Variants in GABBR1 observed in about 807,000 individuals in gnomAD.
The protein encoded by GABBR1 is GABA-B receptor, R1 subunit.
A neutral mutation model predicts 117.7 loss-of-function variants in GABBR1; 35 were observed. The observed-to-expected ratio is 0.30, with a 90% confidence interval of 0.23 to 0.39. The LOEUF (loss-of-function observed/expected upper bound fraction) is 0.39. GABBR1 is among the 10% of genes least tolerant of loss of function. The probability of loss-of-function intolerance (pLI) is 1.00; values close to 1 mark genes in which losing one functional copy is unlikely to be tolerated. For synonymous variants in GABBR1, 442 were observed against 486.6 expected (o/e 0.91, Z 1.21); for missense variants, 709 against 1,241.8 (o/e 0.57, Z 6.45).
chr6:29,623,851 G>C lies in GABBR1; in HGVS notation c.792+39C>G, dbSNP rs1186273569. On this transcript the variant is annotated intron_variant, in intron 7 of 22. Transcript: ENST00000377034. The surrounding 1 kb of genome is among the most constrained non-coding windows in gnomAD (Gnocchi z 6.2). ...TCGTCCCTTCAGTAGAGCTCAAAAGGGAATGACCCCATCTTCTGACCCCCA... is the reference window on the plus strand; with the variant it reads ...TCGTCCCTTCAGTAGAGCTCAAAAGCGAATGACCCCATCTTCTGACCCCCA... The C allele has an allele frequency of 6.2e-7, 1 of 1,601,246 alleles. No homozygotes were observed. The highest frequency in any genetic ancestry group is 1.3e-5 in the African/African-American group (1 of 74,558).
intron 12 of GABBR1, 121 bp from the exon 13 acceptor site, chr6:29,612,735 T>A: frequency 1.1e-6 from 1 of 880,326 alleles, no homozygotes. Context: ...GAATGCTATT[T>A]ATGGCATTTG....
chr6:29,631,541 C>T lies in GABBR1; in HGVS notation c.144G>A (p.Arg48=), dbSNP rs776095583. The T allele has an allele frequency of 6.2e-6, 10 of 1,614,080 alleles. No homozygotes were observed. In the African/African-American group the frequency reaches 1.3e-4, roughly 22 times the overall value. ...GGAAGTTGATAGCCTTCACCTGGTC[C>T]CGAGTCAGGCCCCGGTACCTGATGC... The part of the protein sequence containing the change: ...EGGIRYRGLT[R]DQVKAINFLP... Residue 48 remains arginine, a synonymous_variant, in exon 3 of 23, where the codon CGG becomes CGA. Coordinates refer to ENST00000377034, the MANE Select transcript of GABBR1 (RefSeq NM_001470.4). This position sits in a 1 kb window ranked among gnomAD's most constrained non-coding sequence, Gnocchi z 5.9.
In GABBR1 at chr6:29,632,240, G is replaced by T; in HGVS notation, c.85+61C>A. On this transcript the variant is annotated intron_variant, in intron 2 of 22. Coordinates refer to ENST00000377034, the MANE Select transcript of GABBR1 (RefSeq NM_001470.4). The surrounding 1 kb of genome is among the most constrained non-coding windows in gnomAD (Gnocchi z 5.8). The stretch of plus-strand genomic sequence containing the variant: ...GATAGTGATGAGGACCAGAAATGAG[G>T]AGATGCAGGGAAAGGGAAGTGGAGC... The T allele has an allele frequency of 1.0e-6, 1 of 975,528 alleles. No individual in the cohort carries two copies. The allele number at this position is 975,528 out of a possible 1,614,324, so 60.4% of individuals were successfully genotyped here.
Position 29,623,392 on chromosome 6 carries a change from G to T in GABBR1, c.876C>A (p.Leu292=). 1 of 1,614,152 alleles carries T rather than the reference G, an allele frequency of 6.2e-7. No homozygotes were observed. The highest frequency in any genetic ancestry group is 8.5e-7 in the Non-Finnish European group (1 of 1,180,032). ...AGAGTTTCACGCGGGTAGGGTTGTG[G>T]AGTGTGGCTGATGGGTGCGTTCGGA... The part of the protein sequence containing the change: ...TFFRTHPSAT[L]HNPTRVKLFE... Residue 292 remains leucine (L), a synonymous_variant, in exon 8 of 23, where the codon CTC becomes CTA. Coordinates refer to ENST00000377034, the MANE Select transcript of GABBR1 (RefSeq NM_001470.4). This position sits in a 1 kb window ranked among gnomAD's most constrained non-coding sequence, Gnocchi z 6.2.
rs1184168545 is a variant in GABBR1, at chr6:29,622,059, C to T, written c.1065+45G>A. The T allele has an allele frequency of 1.3e-6, 2 of 1,525,558 alleles. No homozygotes were observed. The highest frequency in any genetic ancestry group is 1.8e-6 in the Non-Finnish European group (2 of 1,100,424). 94.5% of individuals were successfully genotyped at this position (1,525,558 alleles called of 1,614,324 possible). A position where few individuals can be genotyped will look rare whatever the true frequency, so the allele number is the denominator to read the frequency against. On this transcript the variant is annotated intron_variant, in intron 9 of 22. Transcript: ENST00000377034. This position sits in a 1 kb window ranked among gnomAD's most constrained non-coding sequence, Gnocchi z 4.6. ...TCTCCAACCAGTCACTGTCCCCCAG[C>T]TTGGTCCCTCCGTAAACAGAGCCCA...
In GABBR1 at chr6:29,627,957, G is replaced by T; in HGVS notation, c.497-311C>A. ...AAGCAGGGAAGGTTGGCTTCCTACG[G>T]CCCCCGCGGCTCTCGCCACCGTCGC... is the stretch of plus-strand genomic sequence containing the variant. On this transcript the variant is annotated intron_variant, in intron 5 of 22. Coordinates refer to ENST00000377034, the MANE Select transcript of GABBR1 (RefSeq NM_001470.4). This position sits in a 1 kb window ranked among gnomAD's most constrained non-coding sequence, Gnocchi z 4.4. The T allele has an allele frequency of 7.5e-7, 1 of 1,341,908 alleles. No homozygotes were observed. The highest frequency in any genetic ancestry group is 2.0e-5 in the South Asian group (1 of 49,236). 83.1% of individuals were successfully genotyped at this position (1,341,908 alleles called of 1,614,324 possible). A position where few individuals can be genotyped will look rare whatever the true frequency, so the allele number is the denominator to read the frequency against.
rs930369487 is a variant in GABBR1, at chr6:29,624,116, C to T, written c.658-92G>A. ...TTATCTTTCTCGAACAAATTAGTTC[C>T]TTTCTCAATTACTCACTTTCATCAT... On this transcript the variant is annotated intron_variant, in intron 6 of 22. Coordinates refer to ENST00000377034, the MANE Select transcript of GABBR1 (RefSeq NM_001470.4). 1.0e-5 allele frequency: 13 copies of T among 1,244,048 alleles called. No individual in the cohort carries two copies. In the African/African-American group the frequency reaches 2.0e-4, roughly 19 times the overall value. The allele number at this position is 1,244,048 out of a possible 1,614,324, so 77.1% of individuals were successfully genotyped here.
Position 29,631,730 on chromosome 6 carries a change from G to C in GABBR1, c.86-131C>G, listed in dbSNP as rs1764996589. Reference sequence around the variant, plus strand: ...GCTGGGGACAGAGGAAGAGGGATGGGGCACTAGAGGGTGGGAGTGGGGACA... The same window carrying C: ...GCTGGGGACAGAGGAAGAGGGATGGCGCACTAGAGGGTGGGAGTGGGGACA... On this transcript the variant is annotated intron_variant, in intron 2 of 22. Transcript: ENST00000377034. The surrounding 1 kb of genome is among the most constrained non-coding windows in gnomAD (Gnocchi z 5.9). The C allele has an allele frequency of 1.4e-6, 1 of 726,898 alleles. No individual in the cohort carries two copies. Among genetic ancestry groups the C allele is most frequent in the Admixed American group, 2.2e-5 (1 of 44,714 alleles). 45.0% of individuals were successfully genotyped at this position (726,898 alleles called of 1,614,324 possible). A position where few individuals can be genotyped will look rare whatever the true frequency, so the allele number is the denominator to read the frequency against.
rs1448588719 is a variant in GABBR1 at position 29,604,520 on chromosome 6, G to A, written c.2686C>T (p.Arg896Cys). ...EKSRLLEKEN[R>C]ELEKIIAEKE... ...TCAGCAATGATCTTTTCCAGTTCAC[G>A]GTTCTCCTTCTCCAACAGCCGGGAC... Residue 896 changes from arginine to cysteine, a missense_variant, in exon 22 of 23, where the codon CGT becomes TGT. Arg to Cys is a radical substitution (Grantham distance 180). This residue lies in a region of GABBR1 where 251 missense variants were observed against 445.3 expected (regional missense o/e 0.56). Coordinates refer to ENST00000377034, the MANE Select transcript of GABBR1 (RefSeq NM_001470.4). The surrounding 1 kb of genome is among the most constrained non-coding windows in gnomAD (Gnocchi z 5.3). 3 of 1,613,208 alleles carry A rather than the reference G, an allele frequency of 1.9e-6. No homozygotes were observed. Among genetic ancestry groups the A allele is most frequent in the South Asian group, 1.1e-5 (1 of 91,070 alleles).
Position 29,602,329 on chromosome 6 carries a change from A to G in GABBR1, c.*1214T>C, listed in dbSNP as rs537533963. 1 of 153,780 alleles carries G rather than the reference A, an allele frequency of 6.5e-6. No individual in the cohort carries two copies. Among genetic ancestry groups the G allele is most frequent in the African/African-American group, 2.4e-5 (1 of 41,468 alleles). The allele number at this position is 153,780 out of a possible 1,614,324, so 9.5% of individuals were successfully genotyped here. ...ACACCACCTCCCACCCCATAGGTCC[A>G]TCTGTCTATCCCAACAGTCAAGGGT... On this transcript the variant is annotated 3_prime_UTR_variant, in exon 23 of 23. Transcript: ENST00000377034.
At position 29,627,990 on chromosome 6, in the gene GABBR1, G is replaced by A. The variant is rs1764503751; in HGVS notation, c.497-344C>T. On this transcript the variant is annotated intron_variant, in intron 5 of 22. Coordinates refer to ENST00000377034, the MANE Select transcript of GABBR1 (RefSeq NM_001470.4). The surrounding 1 kb of genome is among the most constrained non-coding windows in gnomAD (Gnocchi z 4.4). Reference sequence around the variant, plus strand: ...GGCTCTCGCCACCGTCGCCGCCACCGCGGACTCTCCTCGCGGACTGACTGA... The same window carrying A: ...GGCTCTCGCCACCGTCGCCGCCACCACGGACTCTCCTCGCGGACTGACTGA... 7.5e-7 allele frequency: 1 copy of A among 1,341,728 alleles called. No individual in the cohort carries two copies. 83.1% of individuals were successfully genotyped at this position (1,341,728 alleles called of 1,614,324 possible). A position where few individuals can be genotyped will look rare whatever the true frequency, so the allele number is the denominator to read the frequency against.
At position 29,621,287 on chromosome 6, in the gene GABBR1, G is replaced by C. The variant is rs1763725605; in HGVS notation, c.1137C>G (p.Tyr379Ter). 1 of 1,612,202 alleles carries C rather than the reference G, an allele frequency of 6.2e-7. No individual in the cohort carries two copies. Among genetic ancestry groups the C allele is most frequent in the Non-Finnish European group, 8.5e-7 (1 of 1,179,534 alleles). The change falls in exon 11 of 23, where the codon TAC becomes TAG. Residue 379 changes from tyrosine (Y) to a stop codon, truncating the protein, a stop_gained. Transcript: ENST00000377034. LOFTEE classifies it high-confidence loss of function. The surrounding 1 kb of genome is among the most constrained non-coding windows in gnomAD (Gnocchi z 5.0). ...TEARKVFCEV[Y>*]KERLFGKKYV... ...ACTTCTTCCCAAAGAGACGCTCCTT[G>C]TACACCTGAATACAGAGGAGAATGG... is the stretch of plus-strand genomic sequence containing the variant.
In GABBR1 at chr6:29,623,895, T is replaced by C. The variant is rs748701636; in HGVS notation, c.787A>G (p.Ile263Val). Reference sequence around the variant, plus strand: ...ACCCCCATAGCCCTGCTTACCACAATGAGGTTCCACATCCTAGCAGCCTCA... The same window carrying C: ...ACCCCCATAGCCCTGCTTACCACAACGAGGTTCCACATCCTAGCAGCCTCA... ...VAEAARMWNL[I>V]VLSYGSSSPA... The change falls in exon 7 of 23, where the codon ATT becomes GTT. Residue 263 changes from isoleucine to valine, a missense_variant. By Grantham distance (29) the Ile-to-Val change is conservative. Coordinates refer to ENST00000377034, the MANE Select transcript of GABBR1 (RefSeq NM_001470.4). The surrounding 1 kb of genome is among the most constrained non-coding windows in gnomAD (Gnocchi z 6.2). The C allele has an allele frequency of 6.2e-7, 1 of 1,612,684 alleles. No homozygotes were observed. Among genetic ancestry groups the C allele is most frequent in the South Asian group, 1.1e-5 (1 of 91,028 alleles).
At position 29,606,440 on chromosome 6, in the gene GABBR1, A is replaced by C; in HGVS notation, c.2262T>G (p.Ile754Met). The change falls in exon 19 of 23, where the codon ATT (isoleucine) becomes ATG (methionine). Residue 754 changes from isoleucine (I) to methionine (M), a missense_variant. Ile to Met is a conservative substitution (Grantham distance 10). Coordinates refer to ENST00000377034, the MANE Select transcript of GABBR1 (RefSeq NM_001470.4). This position sits in a 1 kb window ranked among gnomAD's most constrained non-coding sequence, Gnocchi z 4.5. Reference sequence around the variant, plus strand: ...AGCTGCAATGCTCCAGCTGGGGCAGAATAGAGACGTCAATATCTTCCTTAG... The same window carrying C: ...AGCTGCAATGCTCCAGCTGGGGCAGCATAGAGACGTCAATATCTTCCTTAG... ...EEPKEDIDVS[I>M]LPQLEHCSSR... 1 of 1,613,098 alleles carries C rather than the reference A, an allele frequency of 6.2e-7. No individual in the cohort carries two copies. Among genetic ancestry groups the C allele is most frequent in the South Asian group, 1.1e-5 (1 of 91,082 alleles).
Position 29,608,662 on chromosome 6 carries a change from A to G in GABBR1, c.1931T>C (p.Val644Ala). 6.2e-7 allele frequency: 1 copy of G among 1,613,070 alleles called. No homozygotes were observed. Among genetic ancestry groups the G allele is most frequent in the Non-Finnish European group, 8.5e-7 (1 of 1,180,014 alleles). ...GTAACCATCGAGCCCCAGGGGGAAG[A>G]CAGCAGCTAAAGCCAGTGAGCAGCC... The part of the protein sequence containing the change: ...AVGCSLALAA[V>A]FPLGLDGYHI... Residue 644 changes from valine (V) to alanine (A), a missense_variant, in exon 16 of 23, where the codon GTC (valine) becomes GCC (alanine). Val to Ala is a moderately conservative substitution (Grantham distance 64, BLOSUM62 0). This residue lies in a region of GABBR1 where 251 missense variants were observed against 445.3 expected (regional missense o/e 0.56). Coordinates refer to ENST00000377034, the MANE Select transcript of GABBR1 (RefSeq NM_001470.4).
Position 29,632,286 on chromosome 6 carries a change from C to A in GABBR1, c.85+15G>T. The A allele has an allele frequency of 7.3e-7, 1 of 1,374,126 alleles. No individual in the cohort carries two copies. Among genetic ancestry groups the A allele is most frequent in the Non-Finnish European group, 9.5e-7 (1 of 1,057,258 alleles). The allele number at this position is 1,374,126 out of a possible 1,614,324, so 85.1% of individuals were successfully genotyped here. On this transcript the variant is annotated intron_variant, in intron 2 of 22. Transcript: ENST00000377034. The surrounding 1 kb of genome is among the most constrained non-coding windows in gnomAD (Gnocchi z 5.8). ...GGAGCGAAGGAGGGCCGGAGGTCGTCGAAGAAGGATGCACCTTCTGAGGTG... is the reference window on the plus strand; with the variant it reads ...GGAGCGAAGGAGGGCCGGAGGTCGTAGAAGAAGGATGCACCTTCTGAGGTG...
chr6:29,615,837 G>C (rs1157426519), intron 11 of GABBR1, among the ~76,000 whole-genome samples: 1 of 152,060 alleles, frequency 6.6e-6, no homozygotes, highest in Non-Finnish European at 1.5e-5. Context: ...GGGAGGTCAA[G>C]GCGGGCAGAT....
chr6:29,611,122 G>A lies in GABBR1; in HGVS notation c.1631-121C>T. On this transcript the variant is annotated intron_variant, in intron 13 of 22. Coordinates refer to ENST00000377034, the MANE Select transcript of GABBR1 (RefSeq NM_001470.4). This position sits in a 1 kb window ranked among gnomAD's most constrained non-coding sequence, Gnocchi z 4.6. The stretch of plus-strand genomic sequence containing the variant: ...GTATCTGATTTTATTTTCACCTGAG[G>A]CCCTAAGGATGCTTGGAAGGACCTA... The A allele has an allele frequency of 1.3e-6, 1 of 741,312 alleles. No individual in the cohort carries two copies. Among genetic ancestry groups the A allele is most frequent in the Non-Finnish European group, 2.3e-6 (1 of 441,594 alleles). 45.9% of individuals were successfully genotyped at this position (741,312 alleles called of 1,614,324 possible).
rs907314157 is a variant in GABBR1 at position 29,607,378 on chromosome 6, CAGG to C, written c.1993-163_1993-161del. Among the ~76,000 whole-genome samples the C allele has an allele frequency of 2.0e-5, 3 of 152,120 alleles. No homozygotes were observed. The highest frequency in any genetic ancestry group is 7.2e-5 in the African/African-American group (3 of 41,410). ...AAAATGTGAGCAGGACGGGGAGCGG[CAGG>C]AGGAGAGCAGTCTCCCCACCTTGAA... On this transcript the variant is annotated intron_variant, in intron 16 of 22. Coordinates refer to ENST00000377034, the MANE Select transcript of GABBR1 (RefSeq NM_001470.4). The surrounding 1 kb of genome is among the most constrained non-coding windows in gnomAD (Gnocchi z 5.0).
Sources: allele counts gnomAD v4.1 joint callset (sites outside exome capture counted in the v4.1 genomes callset), GRCh38; gene constraint gnomAD v4.1.1; regional missense constraint gnomAD v4.1.1; non-coding constraint Gnocchi (gnomAD v3.1); transcripts MANE v1.5; gene names NCBI Gene and HGNC (gene_info 2026-07-23, HGNC 2026-07-21).